CD226: variants seen among roughly 807,000 people sequenced by gnomAD.
CD226 encodes the protein CD226 molecule, also known as CD226 antigen.
CD226 carries 24 observed loss-of-function variants against 34.9 expected under a neutral mutation model. The ratio of observed to expected loss-of-function variants is 0.69; its 90% CI spans 0.50 to 0.97. CD226 has a LOEUF of 0.97. Ranked by LOEUF, CD226 falls within the 50% of genes least tolerant of loss-of-function variation. CD226 has a pLI of 0.00. For synonymous variants in CD226, 148 were observed against 147.4 expected (o/e 1.00, Z -0.03); for missense variants, 397 against 412.7 (o/e 0.96, Z 0.33).
chr18:69,902,100 CA>C (rs903163250), intron 2 of CD226, among the ~76,000 whole-genome samples: 1 of 152,136 alleles, frequency 6.6e-6, no homozygotes, highest in African/African-American at 2.4e-5. Flanking sequence ...ATCAGAAACG[CA>C]AGAAACTAAT....
At chr18:69,905,472 G>A in intron 2 of CD226, among the ~76,000 whole-genome samples, 1 of 152,154 alleles carries the variant, frequency 6.6e-6, no homozygotes, top group Non-Finnish European at 1.5e-5. Context: ...AGGAGAGAGA[G>A]GAGAGCCCAG....
chr18:69,923,729 G>A (rs987417119), intron 2 of CD226, among the ~76,000 whole-genome samples: 17 of 152,092 alleles, frequency 1.1e-4, no homozygotes, highest in Non-Finnish European at 1.5e-4. Flanking sequence ...CGAGGCGGGC[G>A]GATCACGAGG....
chr18:69,924,833 C>A (rs1199905490), intron 2 of CD226, among the ~76,000 whole-genome samples: 1 of 151,620 alleles, frequency 6.6e-6, no homozygotes, highest in African/African-American at 2.4e-5. Flanking sequence ...AGTTTTTCAG[C>A]ACATCAAAAA....
intron 2 of CD226, among the ~76,000 whole-genome samples, chr18:69,938,502 T>C (rs530858839): frequency 3.3e-5 from 5 of 152,356 alleles, no homozygotes; most frequent in African/African-American, 1.2e-4. Context: ...TTTTCAATCC[T>C]GGTTTGTTGT....
At chr18:69,874,550 C>G (rs1462407575) in intron 3 of CD226, among the ~76,000 whole-genome samples, 4 of 152,172 alleles carry the variant, frequency 2.6e-5, no homozygotes, top group Non-Finnish European at 5.9e-5. Context: ...CTCCTGAAAT[C>G]AAAGCTTGAA....
chr18:69,949,083 G>A (rs957731473), upstream of CD226, among the ~76,000 whole-genome samples: 9 of 152,262 alleles, frequency 5.9e-5, no homozygotes, highest in Middle Eastern at 3.4e-3. Flanking sequence ...GGAAGTGACC[G>A]AAAATGAGAC....
At chr18:69,904,814 C>G (rs7242721) in intron 2 of CD226, among the ~76,000 whole-genome samples, 1 of 152,078 alleles carries the variant, frequency 6.6e-6, no homozygotes, top group Admixed American at 6.5e-5. Context: ...TACCAATTGG[C>G]CCCCCAGGTT....
At chr18:69,929,901 T>C (rs1284706600) in intron 2 of CD226, among the ~76,000 whole-genome samples, 1 of 152,210 alleles carries the variant, frequency 6.6e-6, no homozygotes, top group African/African-American at 2.4e-5. Flanking sequence ...TGTCTCTGTG[T>C]GTCTCTCTCT....
rs1788101 is a variant in CD226 at position 69,873,132 on chromosome 18, T to G, written c.830+12A>C. On this transcript the variant is annotated intron_variant, in intron 4 of 5. Transcript: ENST00000582621. ...ATGGTGAATAAGATTCAGCATAAGT[T>G]GCACTACTCACCTGTTAAGGAAAAT... 161,783 of 1,361,574 alleles carry G rather than the reference T, an allele frequency of 0.12. 12,053 individuals are homozygous for G. The highest frequency in any genetic ancestry group is 0.33 in the African/African-American group (23,108 of 69,746). 84.3% of individuals were successfully genotyped at this position (1,361,574 alleles called of 1,614,324 possible).
chr18:69,883,780 T>C (rs1001851794), intron 3 of CD226, among the ~76,000 whole-genome samples: 2 of 152,196 alleles, frequency 1.3e-5, no homozygotes, highest in East Asian at 1.9e-4. Context: ...AGAAATATCA[T>C]CTTAAAATGA....
At chr18:69,931,762 G>T (rs2055591957) in intron 2 of CD226, among the ~76,000 whole-genome samples, 1 of 152,170 alleles carries the variant, frequency 6.6e-6, no homozygotes, top group Non-Finnish European at 1.5e-5. Flanking sequence ...TCTTGAATAT[G>T]CCCCATCTGC....
chr18:69,903,317 C>T (rs79146743), intron 2 of CD226, among the ~76,000 whole-genome samples: 55 of 152,286 alleles, frequency 3.6e-4, no homozygotes, highest in African/African-American at 9.1e-4. Context: ...TTCCCTAGAA[C>T]GCATCAGCAT....
intron 4 of CD226, among the ~76,000 whole-genome samples, chr18:69,871,504 A>T (rs535287528): frequency 1.3e-5 from 2 of 152,254 alleles, no homozygotes. Flanking sequence ...CATGAAAGTG[A>T]TTAAAATACA....
In CD226 at chr18:69,857,120, G is replaced by A. The variant is rs1610554; in HGVS notation, c.*7194C>T. The A allele has an allele frequency of 0.46, 70,083 of 152,250 alleles. 17,358 individuals are homozygous for A. The highest frequency in any genetic ancestry group is 0.64 in the East Asian group (3,321 of 5,178). 9.4% of individuals were successfully genotyped at this position (152,250 alleles called of 1,614,324 possible). A position where few individuals can be genotyped will look rare whatever the true frequency, so the allele number is the denominator to read the frequency against. On this transcript the variant is annotated 3_prime_UTR_variant, in exon 6 of 6. Transcript: ENST00000582621. ...GAAGACGCAGCTTGCGGTGAGCCGA[G>A]GTCGCACCACTGCACTCCAGCCTGG...
chr18:69,861,376 T>C lies in CD226; in HGVS notation c.*2938A>G, dbSNP rs555810676. On this transcript the variant is annotated 3_prime_UTR_variant, in exon 6 of 6. Transcript: ENST00000582621. ...TCAATGCATAGTCATCATAGTTCAA[T>C]AAGATGTGTTCTTTCCCTGACAAAA... 7 of 151,300 alleles carry C rather than the reference T, an allele frequency of 4.6e-5. No individual in the cohort carries two copies. Among genetic ancestry groups the C allele is most frequent in the Admixed American group, 2.0e-4 (3 of 15,194 alleles). The allele number at this position is 151,300 out of a possible 1,614,324, so 9.4% of individuals were successfully genotyped here.
At chr18:69,913,370 G>T (rs2145291638) in intron 2 of CD226, among the ~76,000 whole-genome samples, 1 of 152,304 alleles carries the variant, frequency 6.6e-6, no homozygotes, top group Admixed American at 6.5e-5. Flanking sequence ...ACAGAGCACA[G>T]ATCAAAGATG....
At chr18:69,917,481 C>G (rs1568191652) in intron 2 of CD226, among the ~76,000 whole-genome samples, 1 of 152,032 alleles carries the variant, frequency 6.6e-6, no homozygotes, top group Non-Finnish European at 1.5e-5. Context: ...AGGTTACACA[C>G]CCCCCCAACA....
intron 2 of CD226, among the ~76,000 whole-genome samples, chr18:69,900,840 A>G (rs1170047547): frequency 1.3e-5 from 2 of 152,104 alleles, no homozygotes; most frequent in East Asian, 3.8e-4. Flanking sequence ...ATGTGCATGT[A>G]TTTTTATTGA....
Position 69,895,865 on chromosome 18 carries a change from G to A in CD226, c.563C>T (p.Thr188Ile), listed in dbSNP as rs1985250331. ...YCNLVHGRNFTSKFPRQIVSN... is the reference protein window; with the variant it reads ...YCNLVHGRNFISKFPRQIVSN... Reference sequence around the variant, plus strand: ...CACTATTTGTCTTGGGAACTTGGAGGTGAAATTTCTGCCATGGACCAAGTT... The same window carrying A: ...CACTATTTGTCTTGGGAACTTGGAGATGAAATTTCTGCCATGGACCAAGTT... The change falls in exon 3 of 6, where the codon ACC becomes ATC. Residue 188 changes from threonine to isoleucine, a missense_variant. Transcript: ENST00000582621. 3.1e-6 allele frequency: 5 copies of A among 1,614,192 alleles called. No homozygotes were observed. Among genetic ancestry groups the A allele is most frequent in the Non-Finnish European group, 4.2e-6 (5 of 1,180,036 alleles).
Sources: allele counts gnomAD v4.1 joint callset (sites outside exome capture counted in the v4.1 genomes callset), GRCh38; gene constraint gnomAD v4.1.1; transcripts MANE v1.5; gene names NCBI Gene and HGNC (gene_info 2026-07-23, HGNC 2026-07-21).